TENM3: variants seen among roughly 807,000 people sequenced by gnomAD.
The protein encoded by TENM3 is teneurin transmembrane protein 3.
Under a neutral mutation model 255.1 loss-of-function variants are expected in TENM3, and 63 were observed. That is an observed-to-expected ratio of 0.25 (90% CI 0.20 to 0.30). TENM3 has a LOEUF of 0.30. TENM3 is among the 10% of genes least tolerant of loss of function. TENM3 has a pLI of 1.00. For synonymous variants in TENM3, 1,306 were observed against 1,322.3 expected, an observed-to-expected ratio of 0.99 and a Z score of 0.27; for missense variants, 2,929 against 3,461.1, an observed-to-expected ratio of 0.85 and a Z score of 3.86.
At chr4:181,778,840 G>C in the TENM3 span, among the ~76,000 whole-genome samples, 2 of 152,054 alleles carry the variant, frequency 1.3e-5, no homozygotes, top group Non-Finnish European at 2.9e-5. Flanking sequence ...TTCGCCCTCA[G>C]GTTGATGAAT....
At chr4:181,556,213 A>G in the TENM3 span, among the ~76,000 whole-genome samples, 1 of 152,202 alleles carries the variant, frequency 6.6e-6, no homozygotes. Flanking sequence ...CCTTAAGATT[A>G]TAGAACTTCC....
chr4:182,100,708 C>CACATATATAT, the TENM3 span, among the ~76,000 whole-genome samples: 1 of 13,808 alleles, frequency 7.2e-5, no homozygotes, highest in African/African-American at 1.8e-4. Flanking sequence ...CATATATATA[C>CACATATATAT]ACACATATAT....
chr4:182,737,271 AT>A (rs1761241482), intron 17 of TENM3, among the ~76,000 whole-genome samples, 196 bp downstream of exon 17: 1 of 152,184 alleles, frequency 6.6e-6, no homozygotes, highest in Non-Finnish European at 1.5e-5. Flanking sequence ...GAAGAAGAAA[AT>A]ATCAGCCTTT....
At chr4:182,315,436 T>C (rs1179688753) in intron 1 of TENM3, among the ~76,000 whole-genome samples, 1 of 151,980 alleles carries the variant, frequency 6.6e-6, no homozygotes, top group Non-Finnish European at 1.5e-5. Flanking sequence ...ACTTTAAAGA[T>C]TTTGTCATTT....
chr4:182,468,824 T>TTGTGTGTGTGTGTGTG (rs66517986), intron 3 of TENM3, among the ~76,000 whole-genome samples: 1 of 143,776 alleles, frequency 7.0e-6, no homozygotes, highest in Non-Finnish European at 1.5e-5. Flanking sequence ...TCCTGTGTGC[T>TTGTGTGTGTGTGTGTG]TGTGTGTGTG....
At chr4:181,859,190 C>T in the TENM3 span, among the ~76,000 whole-genome samples, 1 of 137,542 alleles carries the variant, frequency 7.3e-6, no homozygotes, top group East Asian at 2.1e-4. Flanking sequence ...TTGCAGTGAG[C>T]CGAGATCGTG....
upstream of TENM3, among the ~76,000 whole-genome samples, chr4:182,242,381 C>A (rs113686562): frequency 1.1e-3 from 170 of 152,228 alleles, no homozygotes; most frequent in South Asian, 0.011. Flanking sequence ...CTACAAAGGA[C>A]ATGAACTCAT....
chr4:182,326,262 C>T (rs1019424078), intron 2 of TENM3, among the ~76,000 whole-genome samples: 5 of 152,306 alleles, frequency 3.3e-5, no homozygotes, highest in East Asian at 1.9e-4. Context: ...CACCCTACTG[C>T]GTGCTGGTCA....
intron 13 of TENM3, among the ~76,000 whole-genome samples, chr4:182,715,953 C>A (rs1345049790): frequency 6.6e-6 from 1 of 152,198 alleles, no homozygotes; most frequent in Admixed American, 6.5e-5. Context: ...AAAGCCTTTC[C>A]TTCCTGCTCC....
chr4:182,598,228 A>G (rs1581058079), intron 3 of TENM3, among the ~76,000 whole-genome samples: 1 of 152,198 alleles, frequency 6.6e-6, no homozygotes, highest in Admixed American at 6.5e-5. Flanking sequence ...CATCCACCCT[A>G]TATCATTCAG....
chr4:181,514,311 G>A, the TENM3 span, among the ~76,000 whole-genome samples: 1 of 152,136 alleles, frequency 6.6e-6, no homozygotes. Flanking sequence ...TTGGTTCACT[G>A]ACTTACTCTG....
intron 2 of TENM3, 29 bp from the exon 3 acceptor site, chr4:182,346,622 A>C: frequency 6.3e-7 from 1 of 1,581,390 alleles, no homozygotes; most frequent in South Asian, 1.1e-5. Flanking sequence ...TATACTCACT[A>C]GTTGTTATCT....
chr4:182,373,682 A>T (rs531997758), intron 3 of TENM3, among the ~76,000 whole-genome samples: 1 of 152,268 alleles, frequency 6.6e-6, no homozygotes, highest in African/African-American at 2.4e-5. Flanking sequence ...GTCATATTTC[A>T]ACATGAGATT....
chr4:181,842,936 T>A, the TENM3 span, among the ~76,000 whole-genome samples: 1 of 152,142 alleles, frequency 6.6e-6, no homozygotes, highest in Non-Finnish European at 1.5e-5. Flanking sequence ...AAACCTCTAT[T>A]TTTACTTACT....
At chr4:182,026,484 T>C in the TENM3 span, among the ~76,000 whole-genome samples, 2 of 152,188 alleles carry the variant, frequency 1.3e-5, no homozygotes, top group African/African-American at 2.4e-5. Context: ...CATTTATCTG[T>C]TTTTGCTTTG....
rs545875924 is a variant in TENM3 at position 182,264,586 on chromosome 4, T to C, written c.-76+21110T>C. 7.2e-4 allele frequency among the ~76,000 whole-genome samples: 110 copies of C among 152,362 alleles called. 1 individual carries two copies. The highest frequency in any genetic ancestry group is 2.5e-3 in the African/African-American group (104 of 41,594). On this transcript the variant is annotated intron_variant, in intron 1 of 27. Transcript: ENST00000511685. ...GCTGTAGCTCAGTAGCTAAGGTTTT[T>C]GCCCTTTCCCAGTGGCGGTCCAGGT...
At chr4:182,691,325 T>C (rs980098287) in intron 12 of TENM3, among the ~76,000 whole-genome samples, 4 of 152,220 alleles carry the variant, frequency 2.6e-5, no homozygotes, top group African/African-American at 9.6e-5. Flanking sequence ...TTCTCCATAT[T>C]ATGTGCCATC....
chr4:182,791,562 G>A (rs115438368), intron 25 of TENM3, among the ~76,000 whole-genome samples: 47 of 152,266 alleles, frequency 3.1e-4, no homozygotes, highest in Non-Finnish European at 6.2e-4. Flanking sequence ...TATTGCTCCT[G>A]AGATACAAAT....
intron 1 of TENM3, among the ~76,000 whole-genome samples, chr4:182,202,503 C>T (rs571873557): frequency 6.6e-5 from 10 of 152,046 alleles, no homozygotes; most frequent in Non-Finnish European, 1.3e-4. Flanking sequence ...CGGGGTTTCT[C>T]CATGTTGGTC....
Sources: gnomAD v4.1 joint callset for allele counts (sites outside exome capture counted in the v4.1 genomes callset) on GRCh38, gnomAD v4.1.1 for gene constraint, MANE v1.5 for transcripts, NCBI Gene and HGNC (gene_info 2026-07-23, HGNC 2026-07-21) for gene names.